Variants in TSNARE1 observed in about 807,000 individuals in gnomAD.
TSNARE1 encodes the protein t-SNARE domain containing 1.
A neutral mutation model predicts 62.0 loss-of-function variants in TSNARE1; 49 were observed. That is an observed-to-expected ratio of 0.79 (90% confidence interval 0.63 to 1.00). The LOEUF is 1.00. Among genes scored for constraint, TSNARE1 ranks in the 50% least tolerant of loss-of-function variants. The probability of loss-of-function intolerance (pLI) is 0.00; values close to 1 mark genes in which losing one functional copy is unlikely to be tolerated. For missense variants in TSNARE1, 755 were observed against 700.1 expected, an observed-to-expected ratio of 1.08 and a Z score of -0.88; for synonymous variants, 328 against 294.4, an observed-to-expected ratio of 1.11 and a Z score of -1.17.
rs1463688341 is a variant in TSNARE1 at position 142,344,058 on chromosome 8, GC to G, written c.652del (p.Ala218ProfsTer58). 6.2e-7 allele frequency: 1 copy of G among 1,601,006 alleles called. No individual in the cohort carries two copies. Among genetic ancestry groups the G allele is most frequent in the Non-Finnish European group, 8.5e-7 (1 of 1,172,280 alleles). Reference sequence around the variant, plus strand: ...CTGCTCCACGGGCGTGAGAGCCAGGGCCTGGGGCTTGCCGGAACCAGGGCTG... The same window carrying G: ...CTGCTCCACGGGCGTGAGAGCCAGGGCTGGGGCTTGCCGGAACCAGGGCTG... ...GPSPGSGKPQ[A>X]LALTPVEQVV... On this transcript the variant is annotated frameshift_variant, in exon 4 of 14. Coordinates refer to ENST00000524325, the MANE Select transcript of TSNARE1 (RefSeq NM_145003.5). LOFTEE classifies it high-confidence loss of function.
chr8:142,314,951 A>G (rs1828283242), intron 8 of TSNARE1, 52 bp downstream of exon 8: 4 of 1,581,772 alleles, frequency 2.5e-6, no homozygotes, highest in Non-Finnish European at 3.5e-6. Flanking sequence ...CCGGGAACCG[A>G]GGCCGACCCC....
intron 11 of TSNARE1, chr8:142,278,885 A>C: frequency 1.2e-6 from 1 of 825,970 alleles, no homozygotes; most frequent in African/African-American, 1.8e-5. Flanking sequence ...GGAAGAGTCA[A>C]GCTGGGGCCC....
chr8:142,310,615 T>C (rs1224553038), intron 9 of TSNARE1, among the ~76,000 whole-genome samples: 1 of 151,812 alleles, frequency 6.6e-6, no homozygotes, highest in Non-Finnish European at 1.5e-5. Flanking sequence ...AGCTGGAGAT[T>C]AGTTATTTTT....
chr8:142,364,366 A>G (rs1835383868), intron 1 of TSNARE1, among the ~76,000 whole-genome samples: 1 of 152,240 alleles, frequency 6.6e-6, no homozygotes, highest in Non-Finnish European at 1.5e-5. Context: ...TAAGATGCAC[A>G]GAGAAATACA....
intron 1 of TSNARE1, among the ~76,000 whole-genome samples, chr8:142,385,026 G>T (rs1424142549): frequency 6.6e-6 from 1 of 151,886 alleles, no homozygotes; most frequent in Non-Finnish European, 1.5e-5. Context: ...ACATGATAGA[G>T]ACAAGAAAAG....
In TSNARE1 at chr8:142,318,525, CCA is replaced by C. The variant is rs148441910; in HGVS notation, c.984+17_984+18del. The C allele has an allele frequency of 1.7e-3, 2,736 of 1,609,850 alleles. 22 individuals are homozygous for C. In the African/African-American group the frequency reaches 0.028, roughly 16 times the overall value. ...TCCATTCCTCTCCTCCCTCCCAGCC[CCA>C]GACCCCAGGAACATACCGGGCAGGA... On this transcript the variant is annotated intron_variant, in intron 7 of 13. Coordinates refer to ENST00000524325, the MANE Select transcript of TSNARE1 (RefSeq NM_145003.5).
At chr8:142,294,567 C>T (rs1055721187) in intron 10 of TSNARE1, among the ~76,000 whole-genome samples, 3 of 152,198 alleles carry the variant, frequency 2.0e-5, no homozygotes, top group Non-Finnish European at 4.4e-5. Context: ...CTCTGGGATT[C>T]CCACAGCTCA....
intron 1 of TSNARE1, among the ~76,000 whole-genome samples, chr8:142,399,913 A>G (rs1420774105): frequency 6.6e-6 from 1 of 152,146 alleles, no homozygotes; most frequent in Non-Finnish European, 1.5e-5. Context: ...AAAAGCCTGG[A>G]GCCAGACGCC....
chr8:142,212,656 C>A (rs1815607827), intron 13 of TSNARE1, among the ~76,000 whole-genome samples: 1 of 152,056 alleles, frequency 6.6e-6, no homozygotes. Flanking sequence ...TCCACCGGAG[C>A]TCCCCAGGCC....
At chr8:142,241,811 G>A (rs1057062258) in intron 12 of TSNARE1, among the ~76,000 whole-genome samples, 21 of 151,782 alleles carry the variant, frequency 1.4e-4, no homozygotes, top group African/African-American at 4.1e-4. Flanking sequence ...ACACAGAAGA[G>A]TAAAAACGGA....
chr8:142,246,001 GC>G (rs2130235122), intron 12 of TSNARE1, among the ~76,000 whole-genome samples: 1 of 152,294 alleles, frequency 6.6e-6, no homozygotes, highest in East Asian at 1.9e-4. Context: ...AAATTCCACT[GC>G]TGTAAGATCC....
intron 4 of TSNARE1, 125 bp downstream of exon 4, chr8:142,343,841 G>C: frequency 1.3e-6 from 1 of 778,366 alleles, no homozygotes; most frequent in Non-Finnish European, 1.8e-6. Flanking sequence ...GAGGGGAAGG[G>C]GAGGAAGAGG....
intron 9 of TSNARE1, among the ~76,000 whole-genome samples, chr8:142,306,502 C>T (rs572332234): frequency 2.0e-5 from 3 of 152,310 alleles, no homozygotes; most frequent in Admixed American, 1.3e-4. Flanking sequence ...GACTGACCCT[C>T]GACCCAGCTG....
chr8:142,289,963 G>A (rs572510067), intron 10 of TSNARE1, among the ~76,000 whole-genome samples: 1 of 152,314 alleles, frequency 6.6e-6, no homozygotes, highest in African/African-American at 2.4e-5. Context: ...AGACAGAAGA[G>A]GGCCTCTCAG....
chr8:142,256,136 TCAC>T (rs1328429629), intron 12 of TSNARE1, among the ~76,000 whole-genome samples: 6 of 78,076 alleles, frequency 7.7e-5, no homozygotes, highest in Non-Finnish European at 1.3e-4. Flanking sequence ...ATCATCACCG[TCAC>T]CACCACCACC....
intron 12 of TSNARE1, among the ~76,000 whole-genome samples, chr8:142,242,225 A>C (rs1399825317): frequency 6.6e-6 from 1 of 152,220 alleles, no homozygotes; most frequent in South Asian, 2.1e-4. Context: ...AAACTCTAAA[A>C]CTACAATCTC....
At chr8:142,296,132 G>T (rs1430960651) in intron 10 of TSNARE1, among the ~76,000 whole-genome samples, 1 of 39,114 alleles carries the variant, frequency 2.6e-5, no homozygotes. Context: ...TGTGGAAGAG[G>T]AAGGTGGTCA....
intron 12 of TSNARE1, among the ~76,000 whole-genome samples, chr8:142,260,529 C>T (rs558776213): frequency 6.6e-6 from 1 of 152,296 alleles, no homozygotes; most frequent in Non-Finnish European, 1.5e-5. Context: ...CTTTGTTGGC[C>T]TTGGATTAAC....
In TSNARE1 at chr8:142,401,635, G is replaced by A. The variant is rs187107633; in HGVS notation, c.-40+1469C>T. Among the ~76,000 whole-genome samples the A allele has an allele frequency of 2.0e-5, 3 of 152,308 alleles. No individual in the cohort carries two copies. In the East Asian group the frequency reaches 5.8e-4, roughly 30 times the overall value. On this transcript the variant is annotated intron_variant, in intron 1 of 13. Transcript: ENST00000524325. ...AGACTCAGGGGAAGTGTCCAGGGAA[G>A]GTTCCTGGATAGAGTCAGAGCAGCC... is the stretch of plus-strand genomic sequence containing the variant.
Sources: gnomAD v4.1 joint callset for allele counts (sites outside exome capture counted in the v4.1 genomes callset) on GRCh38, gnomAD v4.1.1 for gene constraint, MANE v1.5 for transcripts, NCBI Gene and HGNC (gene_info 2026-07-23, HGNC 2026-07-21) for gene names.